The following PRSS12 variants were observed in gnomAD, a reference collection of about 807,000 sequenced individuals.
The protein encoded by PRSS12 is neurotrypsin.
PRSS12 carries 85 observed loss-of-function variants against 104.4 expected under a neutral mutation model. The ratio of observed to expected loss-of-function variants is 0.81; its 90% CI spans 0.68 to 0.98. PRSS12 has a LOEUF of 0.98. Ranked by LOEUF, PRSS12 falls within the 50% of genes least tolerant of loss-of-function variation. PRSS12 has a pLI of 0.00. For synonymous variants in PRSS12, 454 were observed against 425.2 expected, an observed-to-expected ratio of 1.07 and a Z score of -0.83; for missense variants, 1,141 against 1,139.2, an observed-to-expected ratio of 1.00 and a Z score of -0.02.
In PRSS12 at chr4:118,282,204, G is replaced by A; in HGVS notation, c.2360C>T (p.Pro787Leu). Residue 787 changes from proline (P) to leucine (L), a missense_variant, in exon 13 of 13, where the codon CCC becomes CTC. By Grantham distance (98) the Pro-to-Leu change is moderately conservative (BLOSUM62 -3). Transcript: ENST00000296498. ...TTCACAAAACCTTTTAGGAAGTAAG[G>A]GAATGGCTGCTTGTTGTAGTGTTCT... ...YSRTLQQAAI[P>L]LLPKRFCEER... 6.2e-7 allele frequency: 1 copy of A among 1,614,124 alleles called. No homozygotes were observed. The highest frequency in any genetic ancestry group is 8.5e-7 in the Non-Finnish European group (1 of 1,180,034).
At chr4:118,320,709 T>C (rs1723595177) in intron 4 of PRSS12, among the ~76,000 whole-genome samples, 13 of 152,108 alleles carry the variant, frequency 8.5e-5, no homozygotes, top group Admixed American at 6.6e-5. Context: ...CCCGTGATCA[T>C]GCCACTGCAC....
rs574452429 is a variant in PRSS12 at position 118,344,704 on chromosome 4, C to T, written c.503-6390G>A. ...GGTATAGTTCAAAATGAGAGTGCAT[C>T]CCCTAAGTTAGCAATTCTACCCATT... On this transcript the variant is annotated intron_variant, in intron 1 of 12. Coordinates refer to ENST00000296498, the MANE Select transcript of PRSS12 (RefSeq NM_003619.4). 7.2e-5 allele frequency among the ~76,000 whole-genome samples: 11 copies of T among 152,188 alleles called. No homozygotes were observed. In the South Asian group the frequency reaches 1.7e-3, roughly 23 times the overall value.
At chr4:118,335,738 AAT>A in intron 2 of PRSS12, 87 bp from the exon 3 acceptor site, 2 of 1,237,990 alleles carry the variant, frequency 1.6e-6, no homozygotes. Context: ...AAATGGAAGA[AAT>A]CAACAAAGAT....
At chr4:118,347,745 G>C (rs999516695) in intron 1 of PRSS12, among the ~76,000 whole-genome samples, 19 of 152,320 alleles carry the variant, frequency 1.2e-4, no homozygotes, top group African/African-American at 4.6e-4. Context: ...ATGGGGTGCA[G>C]TGTCATGACT....
rs374737501 is a variant in PRSS12, at chr4:118,294,987, G to A, written c.1991C>T (p.Thr664Met). 23 of 1,613,976 alleles carry A rather than the reference G, an allele frequency of 1.4e-5. No homozygotes were observed. The highest frequency in any genetic ancestry group is 1.2e-4 in the South Asian group (11 of 91,090). ...GAGGACCCAGCAGCTACTCAGGAGCGTAGCCCCGCAGAGGAGCCTGCCATC... is the reference window on the plus strand; with the variant it reads ...GAGGACCCAGCAGCTACTCAGGAGCATAGCCCCGCAGAGGAGCCTGCCATC... ...HGDGRLLCGA[T>M]LLSSCWVLTA... The change falls in exon 11 of 13, where the codon ACG (threonine) becomes ATG (methionine). Residue 664 changes from threonine to methionine, a missense_variant. Thr to Met is a moderately conservative substitution (Grantham distance 81). Transcript: ENST00000296498.
At chr4:118,298,470 G>A (rs948734002) in intron 9 of PRSS12, among the ~76,000 whole-genome samples, 1 of 152,132 alleles carries the variant, frequency 6.6e-6, no homozygotes, top group Admixed American at 6.5e-5. Flanking sequence ...AAAGGAAACA[G>A]AGAAATGGCT....
In PRSS12 at chr4:118,281,575, T is replaced by C. The variant is rs1014436883; in HGVS notation, c.*361A>G. The stretch of plus-strand genomic sequence containing the variant: ...TTATGTCAAATGTGGGTATTTAATA[T>C]GATTTCAGACACCACTGATTCAATT... On this transcript the variant is annotated 3_prime_UTR_variant, in exon 13 of 13. Transcript: ENST00000296498. 1.9e-5 allele frequency: 6 copies of C among 308,526 alleles called. No individual in the cohort carries two copies. The highest frequency in any genetic ancestry group is 8.6e-5 in the African/African-American group (4 of 46,608). 19.1% of individuals were successfully genotyped at this position (308,526 alleles called of 1,614,324 possible). A position where few individuals can be genotyped will look rare whatever the true frequency, so the allele number is the denominator to read the frequency against.
chr4:118,313,534 G>T (rs770048497), intron 6 of PRSS12, 137 bp from the exon 7 acceptor site: 11 of 949,006 alleles, frequency 1.2e-5, no homozygotes, highest in Non-Finnish European at 1.8e-5. Flanking sequence ...CTACCTTGGG[G>T]ACGCAGTTTA....
intron 1 of PRSS12, among the ~76,000 whole-genome samples, chr4:118,339,209 T>A (rs1389072179): frequency 6.6e-6 from 1 of 152,170 alleles, no homozygotes; most frequent in Non-Finnish European, 1.5e-5. Context: ...GTGGGACAAC[T>A]GAGCAGAGAC....
In PRSS12 at chr4:118,298,819, A is replaced by G. The variant is rs148394828; in HGVS notation, c.1751T>C (p.Ile584Thr). 30 of 1,614,030 alleles carry G rather than the reference A, an allele frequency of 1.9e-5. No homozygotes were observed. Among genetic ancestry groups the G allele is most frequent in the African/African-American group, 8.0e-5 (6 of 74,916 alleles). ...ACTGTGGCGGCAGTTGTGTCTTCCA[A>G]TATCTTGCTTGATACAGTCAGCCAA... is the stretch of plus-strand genomic sequence containing the variant. ...RSLADCIKQD[I>T]GRHNCRHSED... The change falls in exon 9 of 13, where the codon ATT becomes ACT. Residue 584 changes from isoleucine (I) to threonine (T), a missense_variant. Ile to Thr is a moderately conservative substitution (Grantham distance 89). Coordinates refer to ENST00000296498, the MANE Select transcript of PRSS12 (RefSeq NM_003619.4).
At chr4:118,333,501 A>G (rs1006146401) in intron 3 of PRSS12, among the ~76,000 whole-genome samples, 2 of 152,206 alleles carry the variant, frequency 1.3e-5, no homozygotes, top group Non-Finnish European at 2.9e-5. Flanking sequence ...AGCACTTACA[A>G]TTTGTTAATG....
chr4:118,326,491 G>A (rs1396927776), intron 4 of PRSS12, among the ~76,000 whole-genome samples: 1 of 152,168 alleles, frequency 6.6e-6, no homozygotes, highest in South Asian at 2.1e-4. Context: ...AAGTTTGTCT[G>A]ACTACAGAGC....
intron 1 of PRSS12, among the ~76,000 whole-genome samples, chr4:118,341,898 T>C (rs1029622326): frequency 9.2e-5 from 14 of 152,216 alleles, no homozygotes; most frequent in African/African-American, 2.9e-4. Flanking sequence ...TATTACTTTA[T>C]GCATTATACC....
chr4:118,318,723 C>T (rs537932891), intron 4 of PRSS12, among the ~76,000 whole-genome samples, 167 bp from the exon 5 acceptor site: 6 of 151,754 alleles, frequency 4.0e-5, no homozygotes, highest in Non-Finnish European at 8.8e-5. Context: ...TGTTTGTTGT[C>T]CTTTATATTT....
chr4:118,338,553 C>A (rs1339905009), intron 1 of PRSS12, among the ~76,000 whole-genome samples: 1 of 152,038 alleles, frequency 6.6e-6, no homozygotes, highest in African/African-American at 2.4e-5. Flanking sequence ...TTTATCTAGG[C>A]AAACAGACAG....
chr4:118,322,488 G>C (rs1723658051), intron 4 of PRSS12, among the ~76,000 whole-genome samples: 1 of 151,558 alleles, frequency 6.6e-6, no homozygotes, highest in Admixed American at 6.6e-5. Context: ...GGAGGTTGCA[G>C]TGAGCTGAGA....
Position 118,338,295 on chromosome 4 carries a change from G to T in PRSS12, c.522C>A (p.Gly174=). The T allele has an allele frequency of 6.2e-7, 1 of 1,613,886 alleles. No homozygotes were observed. Among genetic ancestry groups the T allele is most frequent in the Non-Finnish European group, 8.5e-7 (1 of 1,179,912 alleles). The change falls in exon 2 of 13, where the codon GGC becomes GGA. Residue 174 remains glycine, a synonymous_variant. Coordinates refer to ENST00000296498, the MANE Select transcript of PRSS12 (RefSeq NM_003619.4). ...DCRHGSVRLR[G]GKNEFEGTVE... is the part of the protein sequence containing the mutation. Reference sequence around the variant, plus strand: ...CTGTGCCTTCAAACTCATTTTTGCCGCCACGAAGTCGTACTGATCCTAAAG... The same window carrying T: ...CTGTGCCTTCAAACTCATTTTTGCCTCCACGAAGTCGTACTGATCCTAAAG...
chr4:118,294,629 T>A (rs759185778), intron 11 of PRSS12, among the ~76,000 whole-genome samples: 17 of 151,872 alleles, frequency 1.1e-4, no homozygotes, highest in Non-Finnish European at 2.4e-4. Flanking sequence ...CTATTCTACC[T>A]CCACAAAGAT....
chr4:118,349,657 T>C (rs1215685937), intron 1 of PRSS12, among the ~76,000 whole-genome samples: 1 of 152,140 alleles, frequency 6.6e-6, no homozygotes, highest in Admixed American at 6.5e-5. Context: ...ATAATATGTC[T>C]TCACATATTT....
Sources: gnomAD v4.1 joint callset for allele counts (sites outside exome capture counted in the v4.1 genomes callset) on GRCh38, gnomAD v4.1.1 for gene constraint, MANE v1.5 for transcripts, NCBI Gene and HGNC (gene_info 2026-07-23, HGNC 2026-07-21) for gene names.